Variants in CNTN4 observed in about 807,000 individuals in gnomAD.
CNTN4 encodes the protein contactin 4.
CNTN4 carries 77 observed loss-of-function variants against 122.5 expected under a neutral mutation model. The ratio of observed to expected loss-of-function variants is 0.63; its 90% CI spans 0.52 to 0.76. The LOEUF (loss-of-function observed/expected upper bound fraction) is 0.76. CNTN4 is among the 30% of genes least tolerant of loss of function. The pLI, the probability that CNTN4 is intolerant of heterozygous loss-of-function variation, is 0.00. For synonymous variants in CNTN4, 512 were observed against 447.0 expected, an observed-to-expected ratio of 1.15 and a Z score of -1.83; for missense variants, 1,256 against 1,259.1, an observed-to-expected ratio of 1.00 and a Z score of 0.04.
rs149931417 is a variant in CNTN4 at position 2,918,152 on chromosome 3, G to C, written c.1208-7477G>C. 3.5e-3 allele frequency among the ~76,000 whole-genome samples: 537 copies of C among 152,286 alleles called. 2 individuals are homozygous for C. The highest frequency in any genetic ancestry group is 0.012 in the African/African-American group (516 of 41,556). ...TTTATTGAAAGAGCATGATAAGCAAGATATCAGTCACTGCCGCATTGCATA... is the reference window on the plus strand; with the variant it reads ...TTTATTGAAAGAGCATGATAAGCAACATATCAGTCACTGCCGCATTGCATA... On this transcript the variant is annotated intron_variant, in intron 12 of 24. Transcript: ENST00000418658.
chr3:2,409,824 A>G (rs896304846), intron 3 of CNTN4, among the ~76,000 whole-genome samples: 2 of 152,114 alleles, frequency 1.3e-5, no homozygotes, highest in African/African-American at 2.4e-5. Flanking sequence ...GTCCATGTAT[A>G]CATAAAATTA....
chr3:2,508,342 A>G (rs2076791839), intron 3 of CNTN4, among the ~76,000 whole-genome samples: 1 of 152,198 alleles, frequency 6.6e-6, no homozygotes, highest in African/African-American at 2.4e-5. Flanking sequence ...TCTGACTTTT[A>G]GTGAGAGATG....
chr3:2,914,758 G>A (rs2094336410), intron 12 of CNTN4, among the ~76,000 whole-genome samples: 1 of 152,182 alleles, frequency 6.6e-6, no homozygotes, highest in African/African-American at 2.4e-5. Flanking sequence ...AATTAAAGAA[G>A]TGGGACCACA....
chr3:2,876,310 C>T (rs1164228958), intron 8 of CNTN4, among the ~76,000 whole-genome samples: 1 of 152,198 alleles, frequency 6.6e-6, no homozygotes, highest in African/African-American at 2.4e-5. Flanking sequence ...CAGGGGAAAA[C>T]ATGCCTTTTT....
chr3:2,239,348 C>A (rs1022719493), intron 2 of CNTN4, among the ~76,000 whole-genome samples: 1 of 152,120 alleles, frequency 6.6e-6, no homozygotes, highest in African/African-American at 2.4e-5. Context: ...AACATTGAGT[C>A]CTAACTCTGC....
intron 21 of CNTN4, 47 bp downstream of exon 21, chr3:3,042,469 C>T (rs1440874165): frequency 1.7e-6 from 2 of 1,191,380 alleles, no homozygotes; most frequent in South Asian, 1.2e-5. Flanking sequence ...GTCTATGCCC[C>T]TTGATAAGTC....
intron 2 of CNTN4, among the ~76,000 whole-genome samples, chr3:2,212,832 T>C (rs1351982188): frequency 6.6e-6 from 1 of 152,210 alleles, no homozygotes; most frequent in African/African-American, 2.4e-5. Context: ...CCAAAGATAT[T>C]TTCTAAATTC....
chr3:2,208,469 G>T (rs889259248), intron 2 of CNTN4, among the ~76,000 whole-genome samples: 1 of 152,120 alleles, frequency 6.6e-6, no homozygotes, highest in Middle Eastern at 3.2e-3. Context: ...AGCAAACAAA[G>T]TGATTTTCTG....
chr3:2,950,653 C>T (rs1315342191), intron 13 of CNTN4, among the ~76,000 whole-genome samples: 1 of 152,208 alleles, frequency 6.6e-6, no homozygotes, highest in African/African-American at 2.4e-5. Context: ...CGTGTGGCCA[C>T]TCACCTAGAC....
chr3:2,936,898 A>G (rs997704048), intron 13 of CNTN4, among the ~76,000 whole-genome samples: 2 of 152,208 alleles, frequency 1.3e-5, no homozygotes, highest in African/African-American at 2.4e-5. Context: ...GGACACAGCC[A>G]TACTCATTCA....
At chr3:3,021,174 G>A (rs1698258976) in intron 14 of CNTN4, among the ~76,000 whole-genome samples, 1 of 152,096 alleles carries the variant, frequency 6.6e-6, no homozygotes, top group Non-Finnish European at 1.5e-5. Context: ...GAAAAGGTTG[G>A]TCCCACTTGA....
chr3:2,974,587 C>G (rs1179350712), intron 13 of CNTN4, among the ~76,000 whole-genome samples: 4 of 152,168 alleles, frequency 2.6e-5, no homozygotes, highest in Admixed American at 2.6e-4. Flanking sequence ...TTTAGGCTGT[C>G]TTGTAGTACA....
At chr3:2,321,688 G>T (rs1034281511) in intron 2 of CNTN4, among the ~76,000 whole-genome samples, 4 of 151,560 alleles carry the variant, frequency 2.6e-5, no homozygotes, top group Admixed American at 2.0e-4. Flanking sequence ...TAGTATCTCA[G>T]GTTTCTCTTT....
chr3:2,821,165 C>T (rs1483649025), intron 7 of CNTN4, among the ~76,000 whole-genome samples: 3 of 151,936 alleles, frequency 2.0e-5, no homozygotes, highest in South Asian at 2.1e-4. Context: ...CCATGTTGAC[C>T]AGGCTGGTCT....
Position 2,811,798 on chromosome 3 carries a change from C to T in CNTN4, c.359-7688C>T, listed in dbSNP as rs1258377737. Among the ~76,000 whole-genome samples, 4 of 93,576 alleles carry T rather than the reference C, an allele frequency of 4.3e-5. No homozygotes were observed. The East Asian group carries it at 1.0e-3, about 24-fold the overall frequency. The allele number at this position is 93,576 out of a possible 152,430, so 61.4% of individuals were successfully genotyped here. A position where few individuals can be genotyped will look rare whatever the true frequency, so the allele number is the denominator to read the frequency against. On this transcript the variant is annotated intron_variant, in intron 6 of 24. Transcript: ENST00000418658. Reference sequence around the variant, plus strand: ...TCCTGCCTCTCAGCCTCCAGAGCAGCTGGGACTACAGCACATGTCACCATA... The same window carrying T: ...TCCTGCCTCTCAGCCTCCAGAGCAGTTGGGACTACAGCACATGTCACCATA...
chr3:2,289,596 A>G (rs2042059699), intron 2 of CNTN4, among the ~76,000 whole-genome samples: 1 of 152,330 alleles, frequency 6.6e-6, no homozygotes, highest in African/African-American at 2.4e-5. Context: ...AGATTGGATT[A>G]CATAAGATGG....
intron 3 of CNTN4, among the ~76,000 whole-genome samples, chr3:2,495,801 C>T (rs1183048892): frequency 6.6e-6 from 1 of 152,176 alleles, no homozygotes; most frequent in African/African-American, 2.4e-5. Context: ...TGAAACCAGT[C>T]CCTGCTGCCA....
intron 16 of CNTN4, among the ~76,000 whole-genome samples, chr3:3,033,484 T>A (rs1241212594): frequency 6.6e-6 from 1 of 152,216 alleles, no homozygotes; most frequent in Non-Finnish European, 1.5e-5. Context: ...AAATTGCTGT[T>A]AATTTTGCAC....
intron 2 of CNTN4, among the ~76,000 whole-genome samples, chr3:2,191,976 G>T (rs947842651): frequency 6.6e-6 from 1 of 151,668 alleles, no homozygotes; most frequent in Non-Finnish European, 1.5e-5. Context: ...GAGAACATGC[G>T]GTGTTTGGTT....
Sources: gnomAD v4.1 joint callset for allele counts (sites outside exome capture counted in the v4.1 genomes callset) on GRCh38, gnomAD v4.1.1 for gene constraint, MANE v1.5 for transcripts, NCBI Gene and HGNC (gene_info 2026-07-23, HGNC 2026-07-21) for gene names.